COL22A1: variants seen among roughly 807,000 people sequenced by gnomAD.
COL22A1 encodes collagen type XXII alpha 1 chain.
COL22A1 carries 221 observed loss-of-function variants against 248.9 expected under a neutral mutation model. The observed-to-expected ratio is 0.89, with a 90% CI of 0.80 to 0.99. The LOEUF (loss-of-function observed/expected upper bound fraction) is 0.99. Ranked by LOEUF, COL22A1 falls within the 50% of genes least tolerant of loss-of-function variation. COL22A1 has a pLI of 0.00. For missense variants in COL22A1, 2,240 were observed against 2,179.0 expected (o/e 1.03, Z -0.56); for synonymous variants, 891 against 793.4 (o/e 1.12, Z -2.07).
intron 2 of COL22A1, among the ~76,000 whole-genome samples, chr8:138,882,018 C>A (rs1824252089): frequency 6.6e-6 from 1 of 152,142 alleles, no homozygotes; most frequent in Non-Finnish European, 1.5e-5. Flanking sequence ...CATAAACACG[C>A]TTTTCTCACT....
Position 138,904,033 on chromosome 8 carries a change from C to G in COL22A1, c.-73+9586G>C, listed in dbSNP as rs551228365. 2.6e-5 allele frequency among the ~76,000 whole-genome samples: 4 copies of G among 152,202 alleles called. No homozygotes were observed. The South Asian group carries it at 6.2e-4, about 24-fold the overall frequency. ...AGGTACCCAGAGCTACTGTGTTGCA[C>G]GAGAGAAATATTTCCCTATCCCCGC... On this transcript the variant is annotated intron_variant, in intron 1 of 64. Transcript: ENST00000303045.
At position 138,894,910 on chromosome 8, in the gene COL22A1, T is replaced by C. The variant is rs550195251; in HGVS notation, c.-72-11666A>G. ...AAAAACAAACAAACGAAAAACCTGG[T>C]TAGCTTGATGTAGTGGTACATGCCT... On this transcript the variant is annotated intron_variant, in intron 1 of 64. Coordinates refer to ENST00000303045, the MANE Select transcript of COL22A1 (RefSeq NM_152888.3). Among the ~76,000 whole-genome samples the C allele has an allele frequency of 1.3e-4, 20 of 152,086 alleles. No homozygotes were observed. The South Asian group carries it at 3.1e-3, about 24-fold the overall frequency.
chr8:138,679,156 A>G (rs1825779871), intron 40 of COL22A1, among the ~76,000 whole-genome samples: 1 of 152,168 alleles, frequency 6.6e-6, no homozygotes, highest in Non-Finnish European at 1.5e-5. Flanking sequence ...GAACTCAAAC[A>G]GTCCTCCCTC....
chr8:138,840,266 C>T (rs961051360), intron 4 of COL22A1, among the ~76,000 whole-genome samples: 3 of 152,158 alleles, frequency 2.0e-5, no homozygotes, highest in East Asian at 1.9e-4. Context: ...TTAGAGGAGA[C>T]GGTAGATAAA....
Position 138,746,856 on chromosome 8 carries a change from C to G in COL22A1, c.2085+4602G>C, listed in dbSNP as rs140116939. On this transcript the variant is annotated intron_variant, in intron 22 of 64. Transcript: ENST00000303045. ...GTGCTCTGCCCAGCCCCTGCCCTTT[C>G]TCAGTGGATCACCGTGGGAGCCTTC... 2.3e-3 allele frequency among the ~76,000 whole-genome samples: 348 copies of G among 152,348 alleles called. 1 individual carries two copies. Among genetic ancestry groups the G allele is most frequent in the African/African-American group, 7.9e-3 (327 of 41,584 alleles).
intron 32 of COL22A1, 80 bp downstream of exon 32, chr8:138,700,032 G>T: frequency 7.2e-7 from 1 of 1,384,156 alleles, no homozygotes; most frequent in South Asian, 1.2e-5. Context: ...ACCCCACCCA[G>T]TCCAGGCTCC....
chr8:138,739,801 T>G (rs548797510), intron 22 of COL22A1, among the ~76,000 whole-genome samples: 1 of 152,308 alleles, frequency 6.6e-6, no homozygotes, highest in South Asian at 2.1e-4. Context: ...GGAGATTTGT[T>G]GACTAGCAGA....
chr8:138,616,947 T>C lies in COL22A1; in HGVS notation c.3837A>G (p.Gly1279=). ...CGGGTGCACCAGAATCGCCTGTGTG[T>C]CCCTTGAAGCCCTAGAAGGAAGAGA... ...EGARGPPGFK[G]HTGDSGAPGP... Residue 1279 remains glycine (G), a synonymous_variant, in exon 54 of 65, where the codon GGA becomes GGG. Coordinates refer to ENST00000303045, the MANE Select transcript of COL22A1 (RefSeq NM_152888.3). 6.2e-7 allele frequency: 1 copy of C among 1,614,152 alleles called. No individual in the cohort carries two copies. Among genetic ancestry groups the C allele is most frequent in the African/African-American group, 1.3e-5 (1 of 75,052 alleles).
chr8:138,895,073 A>AC (rs397717657), intron 1 of COL22A1, among the ~76,000 whole-genome samples: 1 of 140,422 alleles, frequency 7.1e-6, no homozygotes, highest in Admixed American at 7.0e-5. Flanking sequence ...AAAAAAAAAA[A>AC]GAAAAGAAAA....
At chr8:138,762,592 A>C in intron 16 of COL22A1, 126 bp from the exon 17 acceptor site, 1 of 618,186 alleles carries the variant, frequency 1.6e-6, no homozygotes, top group Non-Finnish European at 2.8e-6. Context: ...GCACGTGCAC[A>C]CACACACACA....
chr8:138,672,726 G>A (rs909417752), intron 41 of COL22A1, among the ~76,000 whole-genome samples: 2 of 152,210 alleles, frequency 1.3e-5, no homozygotes, highest in Non-Finnish European at 2.9e-5. Context: ...AGGCAGGGAA[G>A]CAGGTATTAT....
intron 25 of COL22A1, among the ~76,000 whole-genome samples, chr8:138,722,352 G>A (rs903972576): frequency 1.2e-4 from 19 of 152,288 alleles, no homozygotes; most frequent in South Asian, 1.2e-3. Flanking sequence ...GGGTGGGGGC[G>A]TGGGAGGACA....
rs1820651258 is a variant in COL22A1 at position 138,630,759 on chromosome 8, C to G, written c.3610-11G>C. On this transcript the variant is annotated splice_polypyrimidine_tract_variant and intron_variant, in intron 49 of 64. Coordinates refer to ENST00000303045, the MANE Select transcript of COL22A1 (RefSeq NM_152888.3). ...AATTCCATCTGCCCCCTAAAAAAGA[C>G]AAGGCAGAAAGCTAGTTTCTTGTGC... The G allele has an allele frequency of 6.2e-7, 1 of 1,613,418 alleles. No homozygotes were observed. The highest frequency in any genetic ancestry group is 8.5e-7 in the Non-Finnish European group (1 of 1,179,618).
chr8:138,593,118 C>A (rs1259196427), intron 63 of COL22A1, among the ~76,000 whole-genome samples: 1 of 152,084 alleles, frequency 6.6e-6, no homozygotes, highest in East Asian at 1.9e-4. Context: ...AACACAGGAA[C>A]AGGAAGCCAA....
chr8:138,716,751 A>G (rs979573956), intron 28 of COL22A1, 74 bp downstream of exon 28: 3 of 1,111,692 alleles, frequency 2.7e-6, no homozygotes, highest in Non-Finnish European at 4.1e-6. Context: ...GCATCTAAAT[A>G]ATTTATACAA....
At chr8:138,779,922 C>T (rs993751605) in intron 13 of COL22A1, among the ~76,000 whole-genome samples, 7 of 152,204 alleles carry the variant, frequency 4.6e-5, no homozygotes, top group African/African-American at 1.7e-4. Flanking sequence ...CGCACCACTG[C>T]AGCCGGTTGT....
chr8:138,816,360 C>T (rs1818688579), intron 7 of COL22A1, among the ~76,000 whole-genome samples: 1 of 152,174 alleles, frequency 6.6e-6, no homozygotes, highest in South Asian at 2.1e-4. Context: ...CCTGGGATTT[C>T]ACCTCCTGAC....
rs376767696 is a variant in COL22A1 at position 138,887,768 on chromosome 8, T to C, written c.-72-4524A>G. Among the ~76,000 whole-genome samples, 38 of 152,124 alleles carry C rather than the reference T, an allele frequency of 2.5e-4. 1 individual carries two copies. The South Asian group carries it at 7.2e-3, about 29-fold the overall frequency. On this transcript the variant is annotated intron_variant, in intron 1 of 64. Coordinates refer to ENST00000303045, the MANE Select transcript of COL22A1 (RefSeq NM_152888.3). ...GATTTGTAGAAAAACACTTAGGGGG[T>C]CATAAGAGTTTTGCAAGAATCCTGA...
intron 56 of COL22A1, among the ~76,000 whole-genome samples, chr8:138,610,361 C>A (rs556173825): frequency 6.6e-6 from 1 of 152,302 alleles, no homozygotes; most frequent in South Asian, 2.1e-4. Context: ...TCAGGCCACA[C>A]ATACATTCGC....
Sources: allele counts gnomAD v4.1 joint callset (sites outside exome capture counted in the v4.1 genomes callset), GRCh38; gene constraint gnomAD v4.1.1; transcripts MANE v1.5; gene names NCBI Gene and HGNC (gene_info 2026-07-23, HGNC 2026-07-21).